The following PIK3AP1 variants were observed in gnomAD, a reference collection of about 807,000 sequenced individuals.
PIK3AP1 encodes phosphoinositide 3-kinase adapter protein 1.
A neutral mutation model predicts 88.1 loss-of-function variants in PIK3AP1; 21 were observed. The ratio of observed to expected loss-of-function variants is 0.24; its 90% confidence interval spans 0.17 to 0.34. The LOEUF is 0.34. PIK3AP1 is among the 10% of genes least tolerant of loss of function. The pLI is 1.00. For missense variants in PIK3AP1, 828 were observed against 1,035.7 expected (o/e 0.80, Z 2.75); for synonymous variants, 398 against 400.0 (o/e 1.00, Z 0.06).
intron 10 of PIK3AP1, among the ~76,000 whole-genome samples, chr10:96,624,560 G>A (rs1211984071): frequency 6.6e-6 from 1 of 152,036 alleles, no homozygotes; most frequent in Non-Finnish European, 1.5e-5. Context: ...AGACATGGTG[G>A]CTCATGCCCA....
chr10:96,672,594 C>T (rs1843862375), intron 2 of PIK3AP1, among the ~76,000 whole-genome samples: 1 of 152,170 alleles, frequency 6.6e-6, no homozygotes, highest in Non-Finnish European at 1.5e-5. Context: ...AGGCCTATAG[C>T]TTTTCCCTTC....
chr10:96,689,328 G>A (rs999273363), intron 2 of PIK3AP1, among the ~76,000 whole-genome samples: 2 of 151,726 alleles, frequency 1.3e-5, no homozygotes, highest in Non-Finnish European at 2.9e-5. Flanking sequence ...ACTTTGGGAG[G>A]CCGAGGCAGG....
At position 96,720,202 on chromosome 10, in the gene PIK3AP1, G is replaced by C. The variant is rs923499925; in HGVS notation, c.13+180C>G. On this transcript the variant is annotated intron_variant, in intron 1 of 16. Transcript: ENST00000339364. The surrounding 1 kb of genome is among the most constrained non-coding windows in gnomAD (Gnocchi z 4.6). Reference sequence around the variant, plus strand: ...GAGAATCGCGCCACAGGCTGGGACGGGAAACGTGGGAAAGTTGGAGTGGGA... The same window carrying C: ...GAGAATCGCGCCACAGGCTGGGACGCGAAACGTGGGAAAGTTGGAGTGGGA... 4.6e-5 allele frequency among the ~76,000 whole-genome samples: 7 copies of C among 152,322 alleles called. No homozygotes were observed. The highest frequency in any genetic ancestry group is 1.7e-4 in the African/African-American group (7 of 41,574).
At chr10:96,688,402 G>GA (rs2134270975) in intron 2 of PIK3AP1, among the ~76,000 whole-genome samples, 1 of 152,260 alleles carries the variant, frequency 6.6e-6, no homozygotes, top group South Asian at 2.1e-4. Flanking sequence ...ATATTCCTCA[G>GA]AAAATGTTTA....
Position 96,626,885 on chromosome 10 carries a change from T to C in PIK3AP1, c.1492A>G (p.Asn498Asp), listed in dbSNP as rs746475285. The C allele has an allele frequency of 6.3e-5, 101 of 1,614,024 alleles. 1 individual carries two copies. In the South Asian group the frequency reaches 1.1e-3, roughly 18 times the overall value. The change falls in exon 10 of 17, where the codon AAT becomes GAT. Residue 498 changes from asparagine to aspartate, a missense_variant. Asn to Asp is a conservative substitution (Grantham distance 23). Transcript: ENST00000339364. The part of the protein sequence containing the change: ...FLEGNSMGMT[N>D]LERDQCHLGQ... ...AGATGGCACTGATCTCTCTCCAGAT[T>C]GGTCATTCCCATGCTGTTGCCTAGA...
chr10:96,629,930 A>AGAAGAAG (rs1554955593), intron 8 of PIK3AP1, among the ~76,000 whole-genome samples: 3 of 13,724 alleles, frequency 2.2e-4, no homozygotes, highest in African/African-American at 5.5e-4. Flanking sequence ...AAAAAAAAAA[A>AGAAGAAG]AAGAAGAAGA....
intron 2 of PIK3AP1, among the ~76,000 whole-genome samples, chr10:96,687,278 AAAAAAAAG>A (rs1203870730): frequency 6.0e-5 from 8 of 133,246 alleles, no homozygotes; most frequent in African/African-American, 3.2e-4. Context: ...AAAAAAAAAA[AAAAAAAAG>A]AAAAAAGATC....
At chr10:96,677,777 G>A (rs1486980241) in intron 2 of PIK3AP1, among the ~76,000 whole-genome samples, 1 of 152,146 alleles carries the variant, frequency 6.6e-6, no homozygotes, top group Non-Finnish European at 1.5e-5. Context: ...TTTAGGTACA[G>A]TTATAGAAAC....
intron 2 of PIK3AP1, among the ~76,000 whole-genome samples, chr10:96,663,139 T>C (rs1023741): frequency 0.14 from 21,712 of 151,924 alleles, 1,670 homozygotes; most frequent in Admixed American, 0.22. Flanking sequence ...GCTGGGGAGA[T>C]TGGCAGGATT....
chr10:96,712,851 G>C (rs181094853), intron 1 of PIK3AP1, among the ~76,000 whole-genome samples: 1 of 152,316 alleles, frequency 6.6e-6, no homozygotes, highest in African/African-American at 2.4e-5. Context: ...AAGTGAAAAA[G>C]GGTAGCCACC....
chr10:96,624,702 C>T (rs1843131901), intron 10 of PIK3AP1, among the ~76,000 whole-genome samples: 1 of 152,096 alleles, frequency 6.6e-6, no homozygotes, highest in Non-Finnish European at 1.5e-5. Flanking sequence ...TACCCAATAT[C>T]CTATGCTGAA....
chr10:96,618,031 C>T (rs1212634867), intron 12 of PIK3AP1, among the ~76,000 whole-genome samples: 1 of 152,106 alleles, frequency 6.6e-6, no homozygotes, highest in South Asian at 2.1e-4. Context: ...AGGCCTCCAC[C>T]CAGGAATGTC....
chr10:96,672,237 T>C (rs113187568), intron 2 of PIK3AP1, among the ~76,000 whole-genome samples: 4,115 of 152,306 alleles, frequency 0.027, 79 homozygotes, highest in Middle Eastern at 0.068. Flanking sequence ...GCCATCCCAG[T>C]GTTCTGTGCC....
chr10:96,662,629 C>T (rs1843704293), intron 2 of PIK3AP1, among the ~76,000 whole-genome samples: 2 of 150,900 alleles, frequency 1.3e-5, no homozygotes, highest in Non-Finnish European at 3.0e-5. Context: ...GCCTGTAATC[C>T]CAGCACTTTG....
chr10:96,675,265 T>C (rs2134257807), intron 2 of PIK3AP1, among the ~76,000 whole-genome samples: 1 of 152,164 alleles, frequency 6.6e-6, no homozygotes, highest in East Asian at 1.9e-4. Flanking sequence ...CTTGTAGCTG[T>C]CTGAGCCCAA....
chr10:96,642,469 AAAGAAAG>A (rs1564966723), intron 8 of PIK3AP1, among the ~76,000 whole-genome samples: 4 of 150,728 alleles, frequency 2.7e-5, no homozygotes, highest in Non-Finnish European at 4.4e-5. Flanking sequence ...AAAAAAAGAG[AAAGAAAG>A]AAAGAAAGAA....
At chr10:96,601,473 C>A (rs1274209872) in intron 16 of PIK3AP1, among the ~76,000 whole-genome samples, 27 of 75,480 alleles carry the variant, frequency 3.6e-4, no homozygotes, top group East Asian at 4.4e-4. Flanking sequence ...GAATCTATCT[C>A]AAAAAAAAAA....
chr10:96,632,111 G>A (rs1251716718), intron 8 of PIK3AP1, among the ~76,000 whole-genome samples: 2 of 152,094 alleles, frequency 1.3e-5, no homozygotes, highest in Admixed American at 6.5e-5. Context: ...CAAAAGTATC[G>A]AGACAAGGAA....
At chr10:96,675,193 A>G (rs1843901517) in intron 2 of PIK3AP1, among the ~76,000 whole-genome samples, 3 of 141,774 alleles carry the variant, frequency 2.1e-5, no homozygotes, top group Non-Finnish European at 3.1e-5. Flanking sequence ...GCACCCGGCC[A>G]TATAAGGATT....
Sources: allele counts gnomAD v4.1 joint callset (sites outside exome capture counted in the v4.1 genomes callset), GRCh38; gene constraint gnomAD v4.1.1; non-coding constraint Gnocchi (gnomAD v3.1); transcripts MANE v1.5; gene names NCBI Gene and HGNC (gene_info 2026-07-23, HGNC 2026-07-21).